Variants in AGAP1 observed in about 807,000 individuals in gnomAD.
AGAP1 encodes the protein ArfGAP with GTPase domain, ankyrin repeat and PH domain 1.
Under a neutral mutation model 105.3 loss-of-function variants are expected in AGAP1, and 29 were observed. The ratio of observed to expected loss-of-function variants is 0.28; its 90% CI spans 0.21 to 0.38. The LOEUF (loss-of-function observed/expected upper bound fraction) is 0.38, where lower values mean the gene tolerates loss of function less well. Among genes scored for constraint, AGAP1 ranks in the 10% least tolerant of loss-of-function variants. The pLI is 1.00. For synonymous variants in AGAP1, 509 were observed against 485.9 expected, an observed-to-expected ratio of 1.05 and a Z score of -0.63; for missense variants, 998 against 1,165.1, an observed-to-expected ratio of 0.86 and a Z score of 2.09.
At chr2:235,499,555 G>C (rs186183517) in intron 1 of AGAP1, among the ~76,000 whole-genome samples, 59 of 152,242 alleles carry the variant, frequency 3.9e-4, no homozygotes, top group African/African-American at 1.3e-3. Context: ...GTGAGCTCTC[G>C]TACCTTGCCG....
chr2:236,006,819 T>C (rs1470797470), intron 13 of AGAP1, among the ~76,000 whole-genome samples: 2 of 152,216 alleles, frequency 1.3e-5, no homozygotes, highest in Non-Finnish European at 2.9e-5. Flanking sequence ...TAAACTAACA[T>C]AAAATTAACT....
intron 11 of AGAP1, among the ~76,000 whole-genome samples, chr2:235,925,630 C>T (rs965814584): frequency 6.6e-6 from 1 of 152,192 alleles, no homozygotes; most frequent in African/African-American, 2.4e-5. Flanking sequence ...GCTATCAGGT[C>T]TAGGTGTGAA....
rs1258995457 is a variant in AGAP1, at chr2:235,960,317, A to G, written c.1484-8145A>G. ...CATTCTTGAGATTGCAGTTGTTTTT[A>G]TCCCATGACAACCCTGTGTCCTCTG... On this transcript the variant is annotated intron_variant, in intron 12 of 17. Transcript: ENST00000304032. This position sits in a 1 kb window ranked among gnomAD's most constrained non-coding sequence, Gnocchi z 4.9. 6.6e-6 allele frequency among the ~76,000 whole-genome samples: 1 copy of G among 152,074 alleles called. No homozygotes were observed. Among genetic ancestry groups the G allele is most frequent in the Non-Finnish European group, 1.5e-5 (1 of 68,008 alleles).
Position 235,582,406 on chromosome 2 carries a change from G to A in AGAP1, c.163+87557G>A, listed in dbSNP as rs899828137. On this transcript the variant is annotated intron_variant, in intron 1 of 17. Coordinates refer to ENST00000304032, the MANE Select transcript of AGAP1 (RefSeq NM_001037131.3). This position sits in a 1 kb window ranked among gnomAD's most constrained non-coding sequence, Gnocchi z 4.7. ...GACAGGAGCCACACAGTGTAGAAGC[G>A]ACTTGCCCTAAATGCCTCATTGAGA... is the stretch of plus-strand genomic sequence containing the variant. Among the ~76,000 whole-genome samples the A allele has an allele frequency of 2.0e-5, 3 of 152,148 alleles. No homozygotes were observed. The highest frequency in any genetic ancestry group is 3.9e-4 in the East Asian group (2 of 5,186).
intron 1 of AGAP1, among the ~76,000 whole-genome samples, chr2:235,567,831 G>A (rs998265557): frequency 6.6e-6 from 1 of 152,006 alleles, no homozygotes; most frequent in African/African-American, 2.4e-5. Context: ...AGAGGAGAGA[G>A]GAAAGGACAA....
chr2:235,926,452 G>A (rs962014325), intron 11 of AGAP1, among the ~76,000 whole-genome samples: 3 of 152,178 alleles, frequency 2.0e-5, no homozygotes, highest in African/African-American at 7.2e-5. Context: ...TGGACCACTG[G>A]TTTGCCTCAG....
At chr2:236,074,045 C>T (rs1331986496) in intron 16 of AGAP1, among the ~76,000 whole-genome samples, 2 of 152,178 alleles carry the variant, frequency 1.3e-5, no homozygotes, top group African/African-American at 2.4e-5. Flanking sequence ...CCTGGATTGT[C>T]CCAGCGTGGT....
At position 235,927,711 on chromosome 2, in the gene AGAP1, C is replaced by G. The variant is rs540498734; in HGVS notation, c.1325-3054C>G. Among the ~76,000 whole-genome samples, 2 of 152,308 alleles carry G rather than the reference C, an allele frequency of 1.3e-5. No homozygotes were observed. The highest frequency in any genetic ancestry group is 4.2e-4 in the South Asian group (2 of 4,818). ...GATGGATGCACTGAAATACTGTCCT[C>G]TGCCTTTTAAAGGAAATTGTTCTGG... On this transcript the variant is annotated intron_variant, in intron 11 of 17. Transcript: ENST00000304032. This position sits in a 1 kb window ranked among gnomAD's most constrained non-coding sequence, Gnocchi z 4.4.
chr2:235,679,051 C>T (rs969775582), intron 1 of AGAP1, among the ~76,000 whole-genome samples: 2 of 152,186 alleles, frequency 1.3e-5, no homozygotes, highest in East Asian at 1.9e-4. Context: ...ACAATGATGG[C>T]GGCAAGAAAG....
chr2:235,643,594 A>G (rs1419544640), intron 1 of AGAP1, among the ~76,000 whole-genome samples: 2 of 151,968 alleles, frequency 1.3e-5, no homozygotes, highest in Non-Finnish European at 2.9e-5. Context: ...ACAGAAAGGG[A>G]TAGATCTAAC....
intron 13 of AGAP1, among the ~76,000 whole-genome samples, chr2:236,024,103 T>C (rs1318988127): frequency 6.9e-6 from 1 of 145,618 alleles, no homozygotes; most frequent in Non-Finnish European, 1.5e-5. Flanking sequence ...TGATCTTGGC[T>C]CACTACAACC....
rs1269266418 is a variant in AGAP1, at chr2:236,092,864, C to A, written c.2115-27328C>A. 1.3e-5 allele frequency among the ~76,000 whole-genome samples: 2 copies of A among 152,194 alleles called. No individual in the cohort carries two copies. The highest frequency in any genetic ancestry group is 2.4e-5 in the African/African-American group (1 of 41,432). On this transcript the variant is annotated intron_variant, in intron 16 of 17. Transcript: ENST00000304032. This position sits in a 1 kb window ranked among gnomAD's most constrained non-coding sequence, Gnocchi z 4.7. The stretch of plus-strand genomic sequence containing the variant: ...GAAGTAGGGAATGGCCCTGGAGCAT[C>A]CTGCTGTGCCAGAAAGAAAGCACAG...
At chr2:235,899,053 A>G (rs902767280) in intron 10 of AGAP1, among the ~76,000 whole-genome samples, 2 of 152,242 alleles carry the variant, frequency 1.3e-5, no homozygotes, top group Non-Finnish European at 1.5e-5. Context: ...AGACTTCTAA[A>G]TAGGCCTAGG....
chr2:235,702,934 G>GTGTTTTTTTTTTTTTTTT (rs1553609552), intron 1 of AGAP1, among the ~76,000 whole-genome samples: 15 of 88,962 alleles, frequency 1.7e-4, no homozygotes, highest in Non-Finnish European at 2.4e-4. Flanking sequence ...AGTTTTCTTG[G>GTGTTTTTTTTTTTTTTTT]TTTTTTTTTT....
At chr2:235,638,616 A>G (rs78678892) in intron 1 of AGAP1, among the ~76,000 whole-genome samples, 1,648 of 152,328 alleles carry the variant, frequency 0.011, 42 homozygotes, top group African/African-American at 0.038. Context: ...CAGGAAAGAA[A>G]GATACCACAG....
intron 12 of AGAP1, among the ~76,000 whole-genome samples, chr2:235,956,477 A>T (rs920361146): frequency 1.3e-5 from 2 of 152,150 alleles, no homozygotes; most frequent in African/African-American, 4.8e-5. Context: ...TTCAAACTGG[A>T]TGATGCCATT....
chr2:235,892,981 T>G, intron 10 of AGAP1, among the ~76,000 whole-genome samples: 1 of 152,236 alleles, frequency 6.6e-6, no homozygotes, highest in East Asian at 1.9e-4. Context: ...TCTGGCACGC[T>G]GCTGCAGAAG....
rs3820774 is a variant in AGAP1 at position 236,108,680 on chromosome 2, G to A, written c.2115-11512G>A. On this transcript the variant is annotated intron_variant, in intron 16 of 17. Coordinates refer to ENST00000304032, the MANE Select transcript of AGAP1 (RefSeq NM_001037131.3). ...TGACCTGGAGTGCACTTTCGGGAAG[G>A]GGTGTTGCTCAGTGTTTTGTAGACG... is the stretch of plus-strand genomic sequence containing the variant. Among the ~76,000 whole-genome samples the A allele has an allele frequency of 5.5e-4, 84 of 152,272 alleles. No homozygotes were observed. In the East Asian group the frequency reaches 0.014, roughly 26 times the overall value.
At chr2:235,504,186 A>G (rs1320349656) in intron 1 of AGAP1, among the ~76,000 whole-genome samples, 1 of 152,076 alleles carries the variant, frequency 6.6e-6, no homozygotes, top group Non-Finnish European at 1.5e-5. Flanking sequence ...AAAGGTGCCC[A>G]AGTCATAAAG....
Sources: allele counts gnomAD v4.1 joint callset (sites outside exome capture counted in the v4.1 genomes callset), GRCh38; gene constraint gnomAD v4.1.1; non-coding constraint Gnocchi (gnomAD v3.1); transcripts MANE v1.5; gene names NCBI Gene and HGNC (gene_info 2026-07-23, HGNC 2026-07-21).